NAV3: variants seen among roughly 807,000 people sequenced by gnomAD.
The protein encoded by NAV3 is neuron navigator 3.
In NAV3, 87 loss-of-function variants were observed where a neutral mutation model predicts 244.7. The observed-to-expected ratio is 0.36, with a 90% confidence interval of 0.30 to 0.42. The LOEUF (loss-of-function observed/expected upper bound fraction) is 0.42. Among genes scored for constraint, NAV3 ranks in the 20% least tolerant of loss-of-function variants. The probability of loss-of-function intolerance (pLI) is 1.00; values close to 1 mark genes in which losing one functional copy is unlikely to be tolerated. For missense variants in NAV3, 2,663 were observed against 2,893.3 expected (o/e 0.92, Z 1.83); for synonymous variants, 1,126 against 1,042.2 (o/e 1.08, Z -1.55).
chr12:77,827,391 G>T (rs1873124873), upstream of NAV3, among the ~76,000 whole-genome samples: 1 of 151,814 alleles, frequency 6.6e-6, no homozygotes, highest in Admixed American at 6.6e-5. Context: ...AAAAATCGTG[G>T]TTTGCAAGTT....
intron 2 of NAV3, among the ~76,000 whole-genome samples, chr12:77,617,539 G>A (rs552355380): frequency 6.6e-6 from 1 of 152,218 alleles, no homozygotes; most frequent in African/African-American, 2.4e-5. Context: ...CCACTATGCA[G>A]TAACATACCA....
chr12:78,119,523 G>T lies in NAV3; in HGVS notation c.3327G>T (p.Gly1109=). The T allele has an allele frequency of 1.2e-6, 2 of 1,614,174 alleles. No individual in the cohort carries two copies. Among genetic ancestry groups the T allele is most frequent in the South Asian group, 2.2e-5 (2 of 91,084 alleles). Residue 1109 remains glycine (G), a synonymous_variant, in exon 15 of 40, where the codon GGG becomes GGT. Coordinates refer to ENST00000397909, the MANE Select transcript of NAV3 (RefSeq NM_001024383.2). ...CCATTGGCGGGAAGTCAAATGCAGGGAGAAAAACCAGTTTGGACGGTTCAC... is the reference window on the plus strand; with the variant it reads ...CCATTGGCGGGAAGTCAAATGCAGGTAGAAAAACCAGTTTGGACGGTTCAC... ...SAAIGGKSNA[G]RKTSLDGSQN...
At chr12:77,996,151 G>T (rs1872313207) in intron 6 of NAV3, among the ~76,000 whole-genome samples, 1 of 152,114 alleles carries the variant, frequency 6.6e-6, no homozygotes, top group South Asian at 2.1e-4. Context: ...TTACAAGCAG[G>T]GCAAGTTTTG....
intron 1 of NAV3, among the ~76,000 whole-genome samples, chr12:77,924,216 T>A (rs1300567128): frequency 6.6e-6 from 1 of 152,134 alleles, no homozygotes; most frequent in Non-Finnish European, 1.5e-5. Context: ...GGCCTCATTG[T>A]TTTACCTGGA....
intron 3 of NAV3, among the ~76,000 whole-genome samples, chr12:77,957,977 T>C (rs1367472035): frequency 6.6e-6 from 1 of 152,174 alleles, no homozygotes; most frequent in Non-Finnish European, 1.5e-5. Flanking sequence ...TATCAGTGTT[T>C]CTAATACACA....
chr12:78,208,661 C>T (rs1301656950), intron 39 of NAV3, among the ~76,000 whole-genome samples: 1 of 152,104 alleles, frequency 6.6e-6, no homozygotes, highest in East Asian at 1.9e-4. Flanking sequence ...TACTATATGA[C>T]ACCATTTTAA....
chr12:77,579,230 C>A (rs1212776414), intron 2 of NAV3, among the ~76,000 whole-genome samples: 1 of 152,184 alleles, frequency 6.6e-6, no homozygotes, highest in East Asian at 1.9e-4. Context: ...CAAATACTAA[C>A]CAAATTAGTT....
At chr12:77,788,729 T>C (rs1242539941) in intron 2 of NAV3, among the ~76,000 whole-genome samples, 1 of 151,846 alleles carries the variant, frequency 6.6e-6, no homozygotes, top group Admixed American at 6.6e-5. Context: ...GCATGAGTAC[T>C]GCGGTCATGT....
chr12:77,660,565 T>C (rs1013304940), intron 2 of NAV3, among the ~76,000 whole-genome samples: 2 of 152,182 alleles, frequency 1.3e-5, no homozygotes, highest in South Asian at 2.1e-4. Flanking sequence ...TTCACTATTA[T>C]TAGTTTACAA....
At chr12:77,884,508 T>A (rs1883049641) in intron 1 of NAV3, among the ~76,000 whole-genome samples, 2 of 152,102 alleles carry the variant, frequency 1.3e-5, no homozygotes, top group Admixed American at 6.6e-5. Flanking sequence ...TGTAATTCCC[T>A]GGAGCCCAAA....
intron 3 of NAV3, among the ~76,000 whole-genome samples, chr12:77,951,539 T>C (rs1166738437): frequency 6.6e-6 from 1 of 152,136 alleles, no homozygotes; most frequent in Admixed American, 6.6e-5. Flanking sequence ...GAACTAGAAA[T>C]ACCATTTGAC....
intron 1 of NAV3, among the ~76,000 whole-genome samples, chr12:77,890,095 C>A (rs547198697): frequency 6.6e-6 from 1 of 152,202 alleles, no homozygotes; most frequent in African/African-American, 2.4e-5. Flanking sequence ...TCTCATAAAG[C>A]TTTATTTTAT....
intron 1 of NAV3, among the ~76,000 whole-genome samples, chr12:77,906,293 A>T (rs1056080459): frequency 2.6e-5 from 4 of 152,064 alleles, no homozygotes; most frequent in Admixed American, 2.6e-4. Flanking sequence ...AGAGAAAGCA[A>T]ACAAGCTTTT....
intron 5 of NAV3, among the ~76,000 whole-genome samples, chr12:77,984,798 T>C (rs1870183313): frequency 1.3e-5 from 2 of 152,184 alleles, no homozygotes; most frequent in South Asian, 4.1e-4. Context: ...TTGATTTCCA[T>C]TAAATATAAA....
intron 2 of NAV3, among the ~76,000 whole-genome samples, chr12:77,740,308 GGTATGGA>G (rs1245618544): frequency 1.1e-4 from 17 of 152,098 alleles, no homozygotes. Flanking sequence ...GGGGTAAACT[GGTATGGA>G]GTATCAGAAT....
rs61516625 is a variant in NAV3, at chr12:77,859,758, C to CAAAAAAAAAAA, written c.243+28066_243+28076dup. The stretch of plus-strand genomic sequence containing the variant: ...CAAGCATTTCCCATGCTTTCAAATG[C>CAAAAAAAAAAA]AAAAAAAAAAAAAAAAAAAAAAGAC... On this transcript the variant is annotated intron_variant, in intron 1 of 39. Transcript: ENST00000397909. 1.9e-3 allele frequency among the ~76,000 whole-genome samples: 128 copies of CAAAAAAAAAAA among 68,654 alleles called. 1 individual carries two copies. The highest frequency in any genetic ancestry group is 3.5e-3 in the South Asian group (4 of 1,158). The allele number at this position is 68,654 out of a possible 152,430, so 45.0% of individuals were successfully genotyped here.
chr12:77,933,817 T>C (rs1381720128), intron 1 of NAV3, among the ~76,000 whole-genome samples: 2 of 152,244 alleles, frequency 1.3e-5, no homozygotes, highest in Non-Finnish European at 2.9e-5. Context: ...AGATCCAGTC[T>C]GTGATCAACT....
chr12:77,935,280 ATGT>A (rs1889216250), intron 1 of NAV3, among the ~76,000 whole-genome samples: 2 of 152,118 alleles, frequency 1.3e-5, no homozygotes, highest in South Asian at 4.2e-4. Context: ...TCTTTTTCTG[ATGT>A]TGTTTCTTCA....
chr12:78,119,396 T>C lies in NAV3; in HGVS notation c.3200T>C (p.Phe1067Ser). The change falls in exon 15 of 40, where the codon TTT (phenylalanine) becomes TCT (serine). Residue 1067 changes from phenylalanine to serine, a missense_variant. By Grantham distance (155) the Phe-to-Ser change is radical. Coordinates refer to ENST00000397909, the MANE Select transcript of NAV3 (RefSeq NM_001024383.2). ...GRSTATSSFG[F>S]KKPSGVGSSA... ...TCGACTGCCACCAGCTCCTTTGGCT[T>C]TAAGAAACCAAGTGGAGTAGGGTCA... is the stretch of plus-strand genomic sequence containing the variant. 3 of 1,614,068 alleles carry C rather than the reference T, an allele frequency of 1.9e-6. No homozygotes were observed. Among genetic ancestry groups the C allele is most frequent in the Non-Finnish European group, 2.5e-6 (3 of 1,180,006 alleles).
Sources: allele counts gnomAD v4.1 joint callset (sites outside exome capture counted in the v4.1 genomes callset), GRCh38; gene constraint gnomAD v4.1.1; transcripts MANE v1.5; gene names NCBI Gene and HGNC (gene_info 2026-07-23, HGNC 2026-07-21).